Variants in RABGAP1L observed in about 807,000 individuals in gnomAD.
RABGAP1L encodes the protein rab GTPase-activating protein 1-like.
Under a neutral mutation model 137.7 loss-of-function variants are expected in RABGAP1L, and 63 were observed. That is an observed-to-expected ratio of 0.46 (90% CI 0.37 to 0.56). RABGAP1L has a LOEUF of 0.56. RABGAP1L is among the 20% of genes least tolerant of loss of function. The probability of loss-of-function intolerance (pLI) is 0.00; values close to 1 mark genes in which losing one functional copy is unlikely to be tolerated. For missense variants in RABGAP1L, 1,095 were observed against 1,244.0 expected (o/e 0.88, Z 1.80); for synonymous variants, 431 against 433.7 (o/e 0.99, Z 0.08).
At chr1:174,378,985 A>G (rs1322383418) in intron 12 of RABGAP1L, among the ~76,000 whole-genome samples, 4 of 131,812 alleles carry the variant, frequency 3.0e-5, no homozygotes, top group Non-Finnish European at 6.3e-5. Context: ...GAAGGGATCC[A>G]GTTTCAGCTT....
chr1:174,737,642 A>T (rs1683066487), intron 17 of RABGAP1L, among the ~76,000 whole-genome samples: 1 of 152,036 alleles, frequency 6.6e-6, no homozygotes, highest in Non-Finnish European at 1.5e-5. Context: ...CTTGGTACCA[A>T]TTTTTATGTT....
intron 11 of RABGAP1L, among the ~76,000 whole-genome samples, chr1:174,341,900 T>G (rs1682005888): frequency 6.6e-6 from 1 of 152,182 alleles, no homozygotes; most frequent in Non-Finnish European, 1.5e-5. Flanking sequence ...TTAAGTATCT[T>G]TCTTGATAAG....
At chr1:174,553,277 G>A (rs1024470617) in intron 13 of RABGAP1L, among the ~76,000 whole-genome samples, 1 of 152,036 alleles carries the variant, frequency 6.6e-6, no homozygotes, top group Admixed American at 6.6e-5. Flanking sequence ...ATTGTTTTTG[G>A]CATCTTTGTC....
chr1:174,662,814 G>A (rs947319355), intron 14 of RABGAP1L, among the ~76,000 whole-genome samples: 2 of 152,178 alleles, frequency 1.3e-5, no homozygotes, highest in African/African-American at 2.4e-5. Flanking sequence ...ACCCTGTATA[G>A]GCCTAGCCTA....
At chr1:174,913,577 A>G (rs1405136977) in intron 19 of RABGAP1L, among the ~76,000 whole-genome samples, 1 of 152,188 alleles carries the variant, frequency 6.6e-6, no homozygotes, top group Admixed American at 6.5e-5. Flanking sequence ...TGTAACTTCT[A>G]TAGTAGAGAA....
intron 10 of RABGAP1L, among the ~76,000 whole-genome samples, chr1:174,280,048 G>GA (rs1675362368): frequency 2.4e-5 from 3 of 125,254 alleles, no homozygotes; most frequent in African/African-American, 8.9e-5. Context: ...CTGTCTGCCT[G>GA]GAGAGAGAGA....
intron 19 of RABGAP1L, among the ~76,000 whole-genome samples, chr1:174,910,188 G>A (rs1458247352): frequency 6.6e-6 from 1 of 152,042 alleles, no homozygotes; most frequent in East Asian, 1.9e-4. Flanking sequence ...GTAGTTTAAA[G>A]TCTCCCATCA....
chr1:174,351,680 A>G (rs901364529), intron 11 of RABGAP1L, among the ~76,000 whole-genome samples: 1 of 152,124 alleles, frequency 6.6e-6, no homozygotes, highest in African/African-American at 2.4e-5. Flanking sequence ...TTTGGGTGTT[A>G]GACAACCTTA....
chr1:174,967,876 C>T (rs550543799), intron 20 of RABGAP1L, among the ~76,000 whole-genome samples: 3 of 148,624 alleles, frequency 2.0e-5, no homozygotes, highest in South Asian at 2.1e-4. Flanking sequence ...CTTTTTTAGT[C>T]GATATGTTTT....
chr1:174,914,602 A>G (rs758497615), intron 19 of RABGAP1L, among the ~76,000 whole-genome samples: 38 of 152,174 alleles, frequency 2.5e-4, no homozygotes, highest in African/African-American at 9.2e-4. Context: ...ATATTAATAT[A>G]TAGTGGTTTC....
chr1:174,806,159 G>A (rs1462824097), intron 18 of RABGAP1L, among the ~76,000 whole-genome samples: 3 of 152,180 alleles, frequency 2.0e-5, no homozygotes, highest in Admixed American at 2.0e-4. Flanking sequence ...GTGTTAGTCT[G>A]CCTTTTAGGG....
chr1:174,201,205 G>A (rs1015408653), intron 1 of RABGAP1L, among the ~76,000 whole-genome samples: 10 of 151,686 alleles, frequency 6.6e-5, no homozygotes, highest in Non-Finnish European at 1.3e-4. Flanking sequence ...GTAATCCGTC[G>A]CAGGCTCCCA....
chr1:174,441,664 G>T (rs2149231842), intron 13 of RABGAP1L, among the ~76,000 whole-genome samples: 1 of 152,172 alleles, frequency 6.6e-6, no homozygotes, highest in South Asian at 2.1e-4. Flanking sequence ...AACCTGGGAG[G>T]TGAAGGTTGC....
chr1:174,319,057 T>C (rs1043819706), intron 11 of RABGAP1L, among the ~76,000 whole-genome samples: 5 of 152,112 alleles, frequency 3.3e-5, no homozygotes, highest in Non-Finnish European at 5.9e-5. Context: ...TATTTGCATA[T>C]TTGTACTTAC....
At chr1:174,954,890 C>T (rs1668287935) in intron 19 of RABGAP1L, among the ~76,000 whole-genome samples, 1 of 152,100 alleles carries the variant, frequency 6.6e-6, no homozygotes, top group Admixed American at 6.6e-5. Context: ...TATTTTAGTG[C>T]TAGTGATTTG....
At chr1:174,373,384 C>A (rs1685264368) in intron 12 of RABGAP1L, among the ~76,000 whole-genome samples, 1 of 152,006 alleles carries the variant, frequency 6.6e-6, no homozygotes, top group Non-Finnish European at 1.5e-5. Flanking sequence ...TTGGAGTAAC[C>A]CAAGTAGTAG....
chr1:174,170,865 T>A (rs1665322334), intron 1 of RABGAP1L, among the ~76,000 whole-genome samples: 1 of 152,206 alleles, frequency 6.6e-6, no homozygotes, highest in South Asian at 2.1e-4. Flanking sequence ...AACACACAGA[T>A]GTCTCTGGTG....
intron 15 of RABGAP1L, among the ~76,000 whole-genome samples, chr1:174,688,972 T>A (rs1046365054): frequency 6.6e-6 from 1 of 152,118 alleles, no homozygotes; most frequent in Non-Finnish European, 1.5e-5. Context: ...GTTACGAAAG[T>A]GATTTCTCTA....
chr1:174,744,090 T>TAAAAAAAAA (rs10694829), intron 17 of RABGAP1L, among the ~76,000 whole-genome samples: 1 of 45,132 alleles, frequency 2.2e-5, no homozygotes, highest in African/African-American at 8.7e-5. Flanking sequence ...GTGAAATACG[T>TAAAAAAAAA]AAAAAAAAAA....
Sources: allele counts gnomAD v4.1 joint callset (sites outside exome capture counted in the v4.1 genomes callset), GRCh38; gene constraint gnomAD v4.1.1; transcripts MANE v1.5; gene names NCBI Gene and HGNC (gene_info 2026-07-23, HGNC 2026-07-21).